The following LARGE1 variants were observed in gnomAD, a reference collection of about 807,000 sequenced individuals.
LARGE1 encodes the protein LARGE xylosyl- and glucuronyltransferase 1.
Under a neutral mutation model 87.6 loss-of-function variants are expected in LARGE1, and 43 were observed. The ratio of observed to expected loss-of-function variants is 0.49; its 90% CI spans 0.38 to 0.63. The LOEUF (loss-of-function observed/expected upper bound fraction) is 0.63. Ranked by LOEUF, LARGE1 falls within the 30% of genes least tolerant of loss-of-function variation. The pLI is 0.00. For missense variants in LARGE1, 802 were observed against 1,000.2 expected (o/e 0.80, Z 2.67); for synonymous variants, 434 against 394.6 (o/e 1.10, Z -1.18).
intron 6 of LARGE1, among the ~76,000 whole-genome samples, chr22:33,436,331 T>A (rs2255556): frequency 5.3e-5 from 8 of 152,030 alleles, no homozygotes; most frequent in Admixed American, 5.2e-4. Context: ...AAGCCCCTGA[T>A]AGACAGCAAG....
rs948287957 is a variant in LARGE1, at chr22:33,382,134, G to A, written c.1006-90C>T. The A allele has an allele frequency of 9.0e-6, 14 of 1,554,338 alleles. No individual in the cohort carries two copies. The African/African-American group carries it at 1.9e-4, about 21-fold the overall frequency. Reference sequence around the variant, plus strand: ...TCAAGGCACTGCATCCCCTGTGATAGGGCTTCTCTTGAACCTCCTGCTCTG... The same window carrying A: ...TCAAGGCACTGCATCCCCTGTGATAAGGCTTCTCTTGAACCTCCTGCTCTG... On this transcript the variant is annotated intron_variant, in intron 8 of 14. Coordinates refer to ENST00000397394, the MANE Select transcript of LARGE1 (RefSeq NM_133642.5).
intron 1 of LARGE1, among the ~76,000 whole-genome samples, chr22:33,898,459 T>C (rs2065202115): frequency 6.6e-6 from 1 of 152,208 alleles, no homozygotes. Context: ...ATTACAAGAT[T>C]CTTCTTAAGA....
chr22:33,295,572 C>T (rs1933136498), intron 12 of LARGE1, among the ~76,000 whole-genome samples: 1 of 152,202 alleles, frequency 6.6e-6, no homozygotes, highest in Non-Finnish European at 1.5e-5. Context: ...AGGAAGGAGC[C>T]ACCTGTGCTG....
intron 12 of LARGE1, among the ~76,000 whole-genome samples, chr22:33,283,737 A>C (rs1304314941): frequency 6.6e-6 from 1 of 151,770 alleles, no homozygotes; most frequent in African/African-American, 2.4e-5. Context: ...AGATTACGCC[A>C]TTGCACTCCA....
chr22:33,839,338 T>C (rs908427656), intron 1 of LARGE1, among the ~76,000 whole-genome samples: 7 of 152,228 alleles, frequency 4.6e-5, no homozygotes, highest in Admixed American at 1.3e-4. Flanking sequence ...AAGGGGTCAG[T>C]GCTAACCCAT....
At chr22:33,797,530 G>C (rs1332870180) in intron 1 of LARGE1, among the ~76,000 whole-genome samples, 2 of 152,178 alleles carry the variant, frequency 1.3e-5, no homozygotes, top group African/African-American at 4.8e-5. Context: ...TCCAATGATG[G>C]AGGAGCCAAC....
intron 1 of LARGE1, among the ~76,000 whole-genome samples, chr22:33,764,578 C>G (rs532547714): frequency 1.3e-5 from 2 of 152,070 alleles, no homozygotes; most frequent in South Asian, 4.1e-4. Flanking sequence ...GCCAACATGA[C>G]GAAACCCTGT....
At chr22:33,787,002 C>A (rs5749660) in intron 1 of LARGE1, among the ~76,000 whole-genome samples, 4 of 138,742 alleles carry the variant, frequency 2.9e-5, no homozygotes, top group African/African-American at 5.4e-5. Flanking sequence ...GCCTGGGTGA[C>A]AGAGTGAGAC....
At chr22:33,882,050 T>C (rs959954582) in intron 1 of LARGE1, among the ~76,000 whole-genome samples, 3 of 150,688 alleles carry the variant, frequency 2.0e-5, no homozygotes, top group Non-Finnish European at 1.5e-5. Flanking sequence ...TTTTTGTTTT[T>C]TTTTTTTTTT....
chr22:33,120,356 C>T, the LARGE1 span, among the ~76,000 whole-genome samples: 1 of 86,480 alleles, frequency 1.2e-5, no homozygotes, highest in Non-Finnish European at 2.4e-5. Flanking sequence ...TCTTTTCTTT[C>T]TTTTTCTTTC....
chr22:33,399,914 C>G lies in LARGE1; in HGVS notation c.893-15610G>C, dbSNP rs5998926. Among the ~76,000 whole-genome samples the G allele has an allele frequency of 8.8e-3, 1,347 of 152,314 alleles. 20 individuals carry two copies. Among genetic ancestry groups the G allele is most frequent in the African/African-American group, 0.031 (1,275 of 41,570 alleles). Reference sequence around the variant, plus strand: ...CAGCAGTTCCAGTAAAGTAATATCACTGTCATTTTCCAGATTTGGACAGAT... The same window carrying G: ...CAGCAGTTCCAGTAAAGTAATATCAGTGTCATTTTCCAGATTTGGACAGAT... On this transcript the variant is annotated intron_variant, in intron 7 of 14. Coordinates refer to ENST00000397394, the MANE Select transcript of LARGE1 (RefSeq NM_133642.5).
At chr22:33,614,465 A>C (rs2079526708) in intron 4 of LARGE1, among the ~76,000 whole-genome samples, 1 of 152,058 alleles carries the variant, frequency 6.6e-6, no homozygotes, top group African/African-American at 2.4e-5. Context: ...ACAATATATA[A>C]GCCCCAGCCT....
chr22:33,913,980 G>A (rs1476351066), intron 1 of LARGE1, among the ~76,000 whole-genome samples: 1 of 152,072 alleles, frequency 6.6e-6, no homozygotes, highest in Non-Finnish European at 1.5e-5. Context: ...CCTTTAGTAA[G>A]GTAAAAATCT....
At chr22:33,375,377 C>T (rs1028749564) in intron 9 of LARGE1, among the ~76,000 whole-genome samples, 7 of 152,130 alleles carry the variant, frequency 4.6e-5, no homozygotes, top group African/African-American at 1.7e-4. Flanking sequence ...ATAACATTTG[C>T]TCTCTCTGCC....
At chr22:33,720,962 T>G (rs1414211372) in intron 2 of LARGE1, among the ~76,000 whole-genome samples, 2 of 152,204 alleles carry the variant, frequency 1.3e-5, no homozygotes, top group Non-Finnish European at 2.9e-5. Context: ...GGGTGGGTAA[T>G]TTTTGGGGTC....
At chr22:33,334,905 C>T (rs8140876) in intron 10 of LARGE1, among the ~76,000 whole-genome samples, 17,981 of 152,198 alleles carry the variant, frequency 0.12, 2,107 homozygotes, top group African/African-American at 0.31. Context: ...AGTATGGTCA[C>T]GGATTCCGAG....
chr22:33,699,898 C>T (rs1250982901), intron 2 of LARGE1, among the ~76,000 whole-genome samples: 1 of 152,202 alleles, frequency 6.6e-6, no homozygotes, highest in Non-Finnish European at 1.5e-5. Context: ...TGATCCCAGT[C>T]ACTTCTCTAT....
At chr22:33,172,069 G>A (rs1052581964) in intron 11 of LARGE1, among the ~76,000 whole-genome samples, 1 of 152,242 alleles carries the variant, frequency 6.6e-6, no homozygotes, top group African/African-American at 2.4e-5. Context: ...GTGAGACATG[G>A]AATCAAAGGA....
chr22:33,550,172 CACACAT>C (rs765995637), intron 6 of LARGE1, among the ~76,000 whole-genome samples: 9,694 of 145,876 alleles, frequency 0.066, 369 homozygotes, highest in Non-Finnish European at 0.095. Flanking sequence ...CACACACACA[CACACAT>C]ATATATATAT....
Sources: allele counts gnomAD v4.1 joint callset (sites outside exome capture counted in the v4.1 genomes callset), GRCh38; gene constraint gnomAD v4.1.1; transcripts MANE v1.5; gene names NCBI Gene and HGNC (gene_info 2026-07-23, HGNC 2026-07-21).